Variants in PLEKHA5 observed in about 807,000 individuals in gnomAD.
PLEKHA5 encodes the protein pleckstrin homology domain containing A5.
Under a neutral mutation model 181.9 loss-of-function variants are expected in PLEKHA5, and 55 were observed. The ratio of observed to expected loss-of-function variants is 0.30; its 90% CI spans 0.24 to 0.38. The LOEUF (loss-of-function observed/expected upper bound fraction) is 0.38, where lower values mean the gene tolerates loss of function less well. Ranked by LOEUF, PLEKHA5 falls within the 10% of genes least tolerant of loss-of-function variation. The probability of loss-of-function intolerance (pLI) is 1.00; values close to 1 mark genes in which losing one functional copy is unlikely to be tolerated. For missense variants in PLEKHA5, 1,432 were observed against 1,549.5 expected (o/e 0.92, Z 1.27); for synonymous variants, 535 against 529.4 (o/e 1.01, Z -0.15).
At chr12:19,195,330 T>TAA (rs2152000587) in intron 3 of PLEKHA5, among the ~76,000 whole-genome samples, 1 of 152,164 alleles carries the variant, frequency 6.6e-6, no homozygotes, top group South Asian at 2.1e-4. Context: ...AATTGTTAAT[T>TAA]ACATAACTAA....
chr12:19,327,907 A>G (rs1038706708), intron 20 of PLEKHA5, among the ~76,000 whole-genome samples: 16 of 152,148 alleles, frequency 1.1e-4, no homozygotes, highest in Non-Finnish European at 1.9e-4. Flanking sequence ...GGTCTCCCAT[A>G]ATACTGGGAT....
intron 29 of PLEKHA5, among the ~76,000 whole-genome samples, chr12:19,361,909 A>G (rs1018810586): frequency 1.3e-5 from 2 of 152,096 alleles, no homozygotes; most frequent in Non-Finnish European, 2.9e-5. Flanking sequence ...ACTGGTGCAC[A>G]TCTATAATTC....
intron 3 of PLEKHA5, among the ~76,000 whole-genome samples, chr12:19,213,370 A>G (rs1268286824): frequency 1.3e-5 from 2 of 152,176 alleles, no homozygotes; most frequent in Non-Finnish European, 2.9e-5. Flanking sequence ...GTGAACAGCA[A>G]GACCAAAAGA....
At chr12:19,348,938 G>A (rs184509792) in intron 25 of PLEKHA5, among the ~76,000 whole-genome samples, 213 of 152,090 alleles carry the variant, frequency 1.4e-3, no homozygotes, top group Middle Eastern at 3.4e-3. Context: ...CTCCAGCCTG[G>A]GCAACAGAGC....
chr12:19,195,112 G>A (rs1014424816), intron 3 of PLEKHA5, among the ~76,000 whole-genome samples: 2 of 151,956 alleles, frequency 1.3e-5, no homozygotes, highest in African/African-American at 2.4e-5. Context: ...TTCAGTAAAC[G>A]AAACCTCTGA....
At chr12:19,161,723 T>C (rs187559393) in intron 3 of PLEKHA5, among the ~76,000 whole-genome samples, 88 of 152,310 alleles carry the variant, frequency 5.8e-4, no homozygotes, top group African/African-American at 1.9e-3. Flanking sequence ...CCATTCTTGC[T>C]CTCCAGGATT....
intron 20 of PLEKHA5, among the ~76,000 whole-genome samples, chr12:19,332,514 C>CA (rs750887547): frequency 6.6e-6 from 1 of 152,052 alleles, no homozygotes; most frequent in Non-Finnish European, 1.5e-5. Context: ...GGTATTGCTA[C>CA]ATTGCCCAGA....
intron 20 of PLEKHA5, among the ~76,000 whole-genome samples, 191 bp from the exon 21 acceptor site, chr12:19,336,324 A>G (rs1226035498): frequency 1.3e-5 from 2 of 152,250 alleles, no homozygotes; most frequent in South Asian, 2.1e-4. Flanking sequence ...CAGCAGCACA[A>G]TAATACTTAG....
At chr12:19,325,765 T>C (rs1403877179) in intron 20 of PLEKHA5, among the ~76,000 whole-genome samples, 1 of 151,668 alleles carries the variant, frequency 6.6e-6, no homozygotes, top group African/African-American at 2.4e-5. Flanking sequence ...TCTTAGCACT[T>C]TGGGAGGCCA....
chr12:19,132,515 A>G lies in PLEKHA5; in HGVS notation c.227+65A>G, dbSNP rs370197672. The G allele has an allele frequency of 1.4e-3, 1,117 of 799,668 alleles. 3 individuals are homozygous for G. The highest frequency in any genetic ancestry group is 2.2e-3 in the Non-Finnish European group (986 of 456,958). The allele number at this position is 799,668 out of a possible 1,614,324, so 49.5% of individuals were successfully genotyped here. ...AATGCTGTGATTACTCCTCAGCTGAATAGTTGTATGTCCAGTCTTGATCAT... is the reference window on the plus strand; with the variant it reads ...AATGCTGTGATTACTCCTCAGCTGAGTAGTTGTATGTCCAGTCTTGATCAT... On this transcript the variant is annotated intron_variant, in intron 3 of 31. Coordinates refer to ENST00000429027, the MANE Select transcript of PLEKHA5 (RefSeq NM_001256470.2).
chr12:19,336,557 G>T lies in PLEKHA5; in HGVS notation c.2491G>T (p.Asp831Tyr). 1.2e-6 allele frequency: 2 copies of T among 1,609,852 alleles called. No homozygotes were observed. The highest frequency in any genetic ancestry group is 1.7e-6 in the Non-Finnish European group (2 of 1,177,010). Residue 831 changes from aspartate (D) to tyrosine (Y), a missense_variant, in exon 21 of 32, where the codon GAT becomes TAT. Coordinates refer to ENST00000429027, the MANE Select transcript of PLEKHA5 (RefSeq NM_001256470.2). Reference sequence around the variant, plus strand: ...GAGAGAATATGATAAGTTAGAATACGATGTAACTGTTACCAGGAACCAGAT... The same window carrying T: ...GAGAGAATATGATAAGTTAGAATACTATGTAACTGTTACCAGGAACCAGAT... ...AWREYDKLEY[D>Y]VTVTRNQMQE...
chr12:19,224,667 C>G (rs1426952201), intron 3 of PLEKHA5, among the ~76,000 whole-genome samples: 2 of 152,066 alleles, frequency 1.3e-5, no homozygotes, highest in Non-Finnish European at 2.9e-5. Context: ...AGACAATTTG[C>G]TTCAGTGACT....
chr12:19,185,275 C>T (rs112923327), intron 3 of PLEKHA5, among the ~76,000 whole-genome samples: 2 of 152,200 alleles, frequency 1.3e-5, no homozygotes, highest in African/African-American at 4.8e-5. Context: ...TGTTATTATA[C>T]TCAGGTCTGG....
At chr12:19,222,614 A>C (rs1223432940) in intron 3 of PLEKHA5, among the ~76,000 whole-genome samples, 1 of 152,228 alleles carries the variant, frequency 6.6e-6, no homozygotes, top group African/African-American at 2.4e-5. Context: ...GGAAGTGGAA[A>C]GTCAGTACCG....
rs528536465 is a variant in PLEKHA5, at chr12:19,361,542, A to G, written c.3484-40A>G. The G allele has an allele frequency of 2.9e-6, 3 of 1,039,766 alleles. No individual in the cohort carries two copies. The East Asian group carries it at 7.4e-5, about 26-fold the overall frequency. The allele number at this position is 1,039,766 out of a possible 1,614,324, so 64.4% of individuals were successfully genotyped here. ...TTAGATATGCTAATCTAATGTGATA[A>G]GAATTCTTTGAAAAGAAAATTTTTC... On this transcript the variant is annotated intron_variant, in intron 28 of 31. Transcript: ENST00000429027.
intron 3 of PLEKHA5, among the ~76,000 whole-genome samples, chr12:19,146,491 A>T (rs549942033): frequency 1.3e-5 from 2 of 152,224 alleles, no homozygotes. Context: ...TACAAATAAA[A>T]AGTTTTTGAG....
rs1398804785 is a variant in PLEKHA5 at position 19,259,367 on chromosome 12, C to CA, written c.538-1572dup. Among the ~76,000 whole-genome samples, 185 of 143,774 alleles carry CA rather than the reference C, an allele frequency of 1.3e-3. 1 individual carries two copies. Among genetic ancestry groups the CA allele is most frequent in the African/African-American group, 3.9e-3 (154 of 39,260 alleles). The allele number at this position is 143,774 out of a possible 152,430, so 94.3% of individuals were successfully genotyped here. ...GGGTGACAGAGCAAGACCCTGTCTC[C>CA]AAAAAAAAAAGTGTTTATTTTGTAA... On this transcript the variant is annotated intron_variant, in intron 6 of 31. Coordinates refer to ENST00000429027, the MANE Select transcript of PLEKHA5 (RefSeq NM_001256470.2).
At chr12:19,294,308 C>T (rs2079211046) in intron 15 of PLEKHA5, among the ~76,000 whole-genome samples, 1 of 151,942 alleles carries the variant, frequency 6.6e-6, no homozygotes. Context: ...CAAACATTTC[C>T]AGCTTTTAAT....
At position 19,349,793 on chromosome 12, in the gene PLEKHA5, A is replaced by C. The variant is rs374957867; in HGVS notation, c.3019+1274A>C. On this transcript the variant is annotated intron_variant, in intron 25 of 31. Transcript: ENST00000429027. ...TGGAAACTCTACCAGCCTGGCCAATATGGTGAAACCCCATCTCTACTAAAA... is the reference window on the plus strand; with the variant it reads ...TGGAAACTCTACCAGCCTGGCCAATCTGGTGAAACCCCATCTCTACTAAAA... Among the ~76,000 whole-genome samples, 5 of 151,904 alleles carry C rather than the reference A, an allele frequency of 3.3e-5. No homozygotes were observed. The East Asian group carries it at 9.7e-4, about 29-fold the overall frequency.
Sources: allele counts gnomAD v4.1 joint callset (sites outside exome capture counted in the v4.1 genomes callset), GRCh38; gene constraint gnomAD v4.1.1; transcripts MANE v1.5; gene names NCBI Gene and HGNC (gene_info 2026-07-23, HGNC 2026-07-21).